The following PDE11A variants were observed in gnomAD, a reference collection of about 807,000 sequenced individuals.
PDE11A encodes the protein dual 3',5'-cyclic-AMP and -GMP phosphodiesterase 11A.
PDE11A carries 100 observed loss-of-function variants against 100.5 expected under a neutral mutation model. That is an observed-to-expected ratio of 1.00 (90% CI 0.85 to 1.18). PDE11A has a LOEUF of 1.18. Ranked by LOEUF, PDE11A falls within the 50% of genes most tolerant of loss-of-function variation. The pLI is 0.00. For synonymous variants in PDE11A, 381 were observed against 420.8 expected (o/e 0.91, Z 1.16); for missense variants, 1,141 against 1,152.6 (o/e 0.99, Z 0.15).
intron 2 of PDE11A, among the ~76,000 whole-genome samples, chr2:178,090,554 T>G (rs2087410656): frequency 6.6e-6 from 1 of 152,032 alleles, no homozygotes; most frequent in Non-Finnish European, 1.5e-5. Context: ...GAGGGCCTTT[T>G]ACTTCCCCCT....
intron 19 of PDE11A, among the ~76,000 whole-genome samples, chr2:177,631,570 CAT>C (rs2079941965): frequency 6.4e-5 from 1 of 15,694 alleles, no homozygotes; most frequent in African/African-American, 2.1e-4. Context: ...TATATATATA[CAT>C]GTATATATAT....
intron 19 of PDE11A, among the ~76,000 whole-genome samples, chr2:177,645,589 A>T (rs145344527): frequency 0.031 from 4,692 of 152,316 alleles, 140 homozygotes; most frequent in South Asian, 0.072. Flanking sequence ...TAGGAGCTAA[A>T]TATAATTCCT....
intron 1 of PDE11A, among the ~76,000 whole-genome samples, chr2:178,027,081 C>T (rs2086487812): frequency 6.6e-6 from 1 of 152,106 alleles, no homozygotes; most frequent in Non-Finnish European, 1.5e-5. Context: ...TACTTTTATA[C>T]ATTGCTAATG....
chr2:177,916,040 T>C (rs1007809558), intron 2 of PDE11A, among the ~76,000 whole-genome samples: 3 of 152,220 alleles, frequency 2.0e-5, no homozygotes, highest in Non-Finnish European at 2.9e-5. Context: ...TCTTATTTTC[T>C]GCAGCCTTTA....
chr2:178,006,657 T>C (rs778558482), intron 2 of PDE11A, among the ~76,000 whole-genome samples: 1 of 152,070 alleles, frequency 6.6e-6, no homozygotes, highest in Non-Finnish European at 1.5e-5. Context: ...TTTATAGCCC[T>C]GAAAGAACAA....
chr2:177,997,486 C>T, intron 2 of PDE11A: 1 of 811,442 alleles, frequency 1.2e-6, no homozygotes, highest in Non-Finnish European at 2.2e-6. Context: ...GGAAGAGATC[C>T]TTGATTAAAA....
intron 9 of PDE11A, among the ~76,000 whole-genome samples, chr2:177,808,577 C>T (rs1302500351): frequency 6.6e-6 from 1 of 152,124 alleles, no homozygotes; most frequent in East Asian, 1.9e-4. Context: ...ATGAGAGAGC[C>T]TTATATGGAA....
chr2:177,801,872 AAAAAGACACCATGAAAAAATCTTATC>A (rs1203358619), intron 9 of PDE11A, among the ~76,000 whole-genome samples: 1 of 152,030 alleles, frequency 6.6e-6, no homozygotes. Context: ...CATCAAAGCT[AAAAAGACACCATGAAAAAATCTTATC>A]AAAAGACACC....
At chr2:177,883,020 A>T (rs1446448935) in intron 4 of PDE11A, among the ~76,000 whole-genome samples, 2 of 152,202 alleles carry the variant, frequency 1.3e-5, no homozygotes, top group Admixed American at 1.3e-4. Flanking sequence ...CTGTAATGCC[A>T]GCACTTTGGG....
At chr2:177,781,227 A>T (rs1247470367) in intron 9 of PDE11A, among the ~76,000 whole-genome samples, 1 of 152,250 alleles carries the variant, frequency 6.6e-6, no homozygotes, top group Non-Finnish European at 1.5e-5. Flanking sequence ...TGGTCAGCAG[A>T]GCAGTCAGAA....
In PDE11A at chr2:177,711,762, C is replaced by A; in HGVS notation, c.2153+7G>T. 1 of 1,437,748 alleles carries A rather than the reference C, an allele frequency of 7.0e-7. No homozygotes were observed. 89.1% of individuals were successfully genotyped at this position (1,437,748 alleles called of 1,614,324 possible). On this transcript the variant is annotated splice_region_variant and intron_variant, in intron 13 of 19. Transcript: ENST00000286063. The stretch of plus-strand genomic sequence containing the variant: ...GCATTAAAATAACAACAGTTTAGAA[C>A]ACTTACTTAGCTTGGAAGGCATTGT...
chr2:177,650,399 C>T (rs1213296497), intron 19 of PDE11A, among the ~76,000 whole-genome samples: 1 of 152,172 alleles, frequency 6.6e-6, no homozygotes, highest in Non-Finnish European at 1.5e-5. Flanking sequence ...TTCTTATAAA[C>T]TGAATGGCTG....
chr2:177,673,814 T>C (rs1574030699), intron 17 of PDE11A, among the ~76,000 whole-genome samples: 1 of 152,192 alleles, frequency 6.6e-6, no homozygotes, highest in African/African-American at 2.4e-5. Flanking sequence ...TACTTCCTGG[T>C]TGGGTGGGGT....
intron 19 of PDE11A, among the ~76,000 whole-genome samples, chr2:177,632,163 G>C (rs1017097925): frequency 1.3e-5 from 2 of 152,168 alleles, no homozygotes. Flanking sequence ...TAAAAGGGAA[G>C]CTCTTAAAGA....
chr2:178,092,727 A>G (rs2087439379), intron 2 of PDE11A: 1 of 152,196 alleles, frequency 6.6e-6, no homozygotes, highest in African/African-American at 2.4e-5. Flanking sequence ...CAGCCTCCCA[A>G]GTAGCTGGGA....
At chr2:177,848,896 T>C (rs1323906639) in intron 5 of PDE11A, among the ~76,000 whole-genome samples, 2 of 152,158 alleles carry the variant, frequency 1.3e-5, no homozygotes, top group Non-Finnish European at 2.9e-5. Flanking sequence ...AAAAAGACTA[T>C]CTTCAGCATT....
intron 6 of PDE11A, among the ~76,000 whole-genome samples, chr2:177,834,138 T>C (rs1215947339): frequency 6.6e-6 from 1 of 152,178 alleles, no homozygotes; most frequent in Non-Finnish European, 1.5e-5. Flanking sequence ...CACCCTTCAA[T>C]GTGTCTGCCT....
chr2:177,845,262 T>C (rs1233690395), intron 5 of PDE11A, among the ~76,000 whole-genome samples: 1 of 150,090 alleles, frequency 6.7e-6, no homozygotes, highest in Admixed American at 6.6e-5. Context: ...GAGGGGCTCC[T>C]CACTTCTCAG....
At chr2:177,939,410 GGGAA>G (rs1437738300) in intron 2 of PDE11A, among the ~76,000 whole-genome samples, 2 of 141,768 alleles carry the variant, frequency 1.4e-5, no homozygotes, top group Non-Finnish European at 3.1e-5. Context: ...GAGGGAAGGA[GGGAA>G]GGAAGAAGGA....
Sources: gnomAD v4.1 joint callset for allele counts (sites outside exome capture counted in the v4.1 genomes callset) on GRCh38, gnomAD v4.1.1 for gene constraint, MANE v1.5 for transcripts, NCBI Gene and HGNC (gene_info 2026-07-23, HGNC 2026-07-21) for gene names.